GPHN: variants seen among roughly 807,000 people sequenced by gnomAD.
GPHN encodes gephyrin.
Under a neutral mutation model 95.5 loss-of-function variants are expected in GPHN, and 17 were observed. That is an observed-to-expected ratio of 0.18 (90% CI 0.12 to 0.27). The LOEUF is 0.27. GPHN is among the 10% of genes least tolerant of loss of function. The pLI is 1.00. For synonymous variants in GPHN, 320 were observed against 322.5 expected (o/e 0.99, Z 0.08); for missense variants, 660 against 978.1 (o/e 0.67, Z 4.34).
intron 3 of GPHN, among the ~76,000 whole-genome samples, chr14:66,822,773 A>G (rs897393701): frequency 2.0e-5 from 3 of 152,158 alleles, no homozygotes; most frequent in Non-Finnish European, 2.9e-5. Context: ...TGGTGTTGAG[A>G]TATTTTGTTG....
At chr14:66,565,292 CTGTG>C (rs3031748) in intron 1 of GPHN, among the ~76,000 whole-genome samples, 2 of 149,984 alleles carry the variant, frequency 1.3e-5, no homozygotes, top group East Asian at 3.9e-4. Flanking sequence ...TGTCCCCTAT[CTGTG>C]TGTGTGTGTG....
At chr14:66,859,787 T>G (rs1331112165) in intron 4 of GPHN, among the ~76,000 whole-genome samples, 2 of 151,948 alleles carry the variant, frequency 1.3e-5, no homozygotes, top group African/African-American at 4.8e-5. Flanking sequence ...AAATAATAAT[T>G]TAAAAGAAAC....
chr14:66,677,865 A>G (rs1312238721), intron 1 of GPHN, among the ~76,000 whole-genome samples: 1 of 152,132 alleles, frequency 6.6e-6, no homozygotes. Context: ...TTTGTTGGGT[A>G]TAGTGTTATT....
rs113251302 is a variant in GPHN, at chr14:66,593,274, A to ACAT, written c.64+84684_64+84686dup. On this transcript the variant is annotated intron_variant, in intron 1 of 22. Coordinates refer to ENST00000478722, the MANE Select transcript of GPHN (RefSeq NM_020806.5). ...TATGTAACAAACCTGCACGTTTTGCACATGTATCCCAGAACTTAAAGTATT... is the reference window on the plus strand; with the variant it reads ...TATGTAACAAACCTGCACGTTTTGCACATCATGTATCCCAGAACTTAAAGTATT... Among the ~76,000 whole-genome samples the ACAT allele has an allele frequency of 4.2e-3, 633 of 152,098 alleles. 15 individuals carry two copies. The highest frequency in any genetic ancestry group is 0.015 in the African/African-American group (602 of 41,504).
intron 1 of GPHN, among the ~76,000 whole-genome samples, chr14:66,572,712 A>G (rs1397341791): frequency 1.3e-5 from 2 of 152,250 alleles, no homozygotes; most frequent in East Asian, 1.9e-4. Context: ...ACCAAAGACA[A>G]TATAACTTCT....
the GPHN span, among the ~76,000 whole-genome samples, chr14:67,273,329 G>C: frequency 6.6e-6 from 1 of 150,824 alleles, no homozygotes; most frequent in Non-Finnish European, 1.5e-5. Context: ...GTGTCCAAGT[G>C]TTCTCATTTT....
the GPHN span, among the ~76,000 whole-genome samples, chr14:67,325,263 T>A: frequency 1.3e-5 from 2 of 152,136 alleles, no homozygotes; most frequent in Non-Finnish European, 2.9e-5. Context: ...CTCTTCACCC[T>A]CCAAAATATC....
At chr14:66,909,773 T>TAA (rs576946717) in intron 5 of GPHN, among the ~76,000 whole-genome samples, 1,820 of 147,968 alleles carry the variant, frequency 0.012, 17 homozygotes, top group Non-Finnish European at 0.018. Context: ...TTGTACAAAG[T>TAA]AAAAAAAAAA....
chr14:67,057,650 CTT>C (rs2075656557), intron 10 of GPHN, among the ~76,000 whole-genome samples: 1 of 152,160 alleles, frequency 6.6e-6, no homozygotes, highest in Non-Finnish European at 1.5e-5. Flanking sequence ...TTACTACCCT[CTT>C]TTTCTTTCTC....
chr14:67,611,777 GT>G, the GPHN span, among the ~76,000 whole-genome samples: 1 of 152,212 alleles, frequency 6.6e-6, no homozygotes, highest in Non-Finnish European at 1.5e-5. Context: ...ACAGACCAGG[GT>G]GGGGGGATGG....
chr14:66,555,174 C>G (rs182584207), intron 1 of GPHN, among the ~76,000 whole-genome samples: 1 of 152,192 alleles, frequency 6.6e-6, no homozygotes, highest in Admixed American at 6.5e-5. Context: ...TCACAGAAAT[C>G]TGTAGCAGAT....
At chr14:66,663,151 A>T (rs1595454431) in intron 1 of GPHN, among the ~76,000 whole-genome samples, 1 of 152,312 alleles carries the variant, frequency 6.6e-6, no homozygotes, top group Middle Eastern at 3.4e-3. Context: ...CCACAAGAAG[A>T]TCATCCCCAA....
chr14:67,446,163 T>A, the GPHN span: 5 of 422,534 alleles, frequency 1.2e-5, no homozygotes, highest in South Asian at 9.1e-5. Flanking sequence ...TTTTCCCTGA[T>A]GCACTCGGCG....
chr14:66,553,798 A>G (rs1421085603), intron 1 of GPHN, among the ~76,000 whole-genome samples: 1 of 152,026 alleles, frequency 6.6e-6, no homozygotes, highest in Non-Finnish European at 1.5e-5. Context: ...GATGGTCTCC[A>G]TCTCTTGACC....
At chr14:66,533,429 G>A (rs976075056) in intron 1 of GPHN, among the ~76,000 whole-genome samples, 3 of 152,110 alleles carry the variant, frequency 2.0e-5, no homozygotes, top group Non-Finnish European at 2.9e-5. Context: ...AAGGGACCAC[G>A]TGCATACATG....
intron 4 of GPHN, among the ~76,000 whole-genome samples, chr14:66,865,827 T>G (rs762018685): frequency 3.9e-5 from 6 of 152,222 alleles, no homozygotes; most frequent in Non-Finnish European, 7.3e-5. Context: ...GAAGCCTAAA[T>G]TTTTAAATAA....
intron 9 of GPHN, among the ~76,000 whole-genome samples, chr14:66,967,160 C>T (rs2069392216): frequency 6.6e-6 from 1 of 151,730 alleles, no homozygotes; most frequent in Non-Finnish European, 1.5e-5. Context: ...ATGTATACCT[C>T]AAAGATAAAG....
At chr14:66,555,317 TC>T (rs2059966067) in intron 1 of GPHN, among the ~76,000 whole-genome samples, 1 of 152,178 alleles carries the variant, frequency 6.6e-6, no homozygotes, top group Non-Finnish European at 1.5e-5. Context: ...ATAATTTTCC[TC>T]CTTTTCTGTA....
chr14:66,963,845 A>G (rs1251457889), intron 8 of GPHN, among the ~76,000 whole-genome samples: 2 of 152,168 alleles, frequency 1.3e-5, no homozygotes, highest in African/African-American at 2.4e-5. Flanking sequence ...AGGAGCTTCT[A>G]TAGAAATAGC....
Sources: allele counts gnomAD v4.1 joint callset (sites outside exome capture counted in the v4.1 genomes callset), GRCh38; gene constraint gnomAD v4.1.1; transcripts MANE v1.5; gene names NCBI Gene and HGNC (gene_info 2026-07-23, HGNC 2026-07-21).